The following CYB561D1 variants were observed in gnomAD, a reference collection of about 807,000 sequenced individuals.
CYB561D1 encodes cytochrome b561 family member D1.
Under a neutral mutation model 19.2 loss-of-function variants are expected in CYB561D1, and 15 were observed. That is an observed-to-expected ratio of 0.78 (90% CI 0.52 to 1.20). The LOEUF (loss-of-function observed/expected upper bound fraction) is 1.20. Ranked by LOEUF, CYB561D1 falls within the 50% of genes most tolerant of loss-of-function variation. The probability of loss-of-function intolerance (pLI) is 0.00; values close to 1 mark genes in which losing one functional copy is unlikely to be tolerated. For missense variants in CYB561D1, 297 were observed against 287.3 expected (o/e 1.03, Z -0.24); for synonymous variants, 133 against 120.6 (o/e 1.10, Z -0.68).
rs771358813 is a variant in CYB561D1 at position 109,496,127 on chromosome 1, C to CTCAG, written c.560_563dup (p.Trp189SerfsTer49). On this transcript the variant is annotated frameshift_variant, in exon 3 of 3. Coordinates refer to ENST00000420578, the MANE Select transcript of CYB561D1 (RefSeq NM_182580.3). LOFTEE classifies it high-confidence loss of function. ...CAGTAACGGTGCTTCTGGGCATGTA[C>CTCAG]TCAGTATGGTTCCAGGCCCAGATCA... The CTCAG allele has an allele frequency of 1.2e-6, 2 of 1,614,116 alleles. No homozygotes were observed. Among genetic ancestry groups the CTCAG allele is most frequent in the African/African-American group, 2.7e-5 (2 of 74,942 alleles).
chr1:109,497,993 A>G lies in CYB561D1; in HGVS notation c.*1734A>G, dbSNP rs756571932. The G allele has an allele frequency of 3.3e-5, 5 of 152,174 alleles. No individual in the cohort carries two copies. Among genetic ancestry groups the G allele is most frequent in the African/African-American group, 7.2e-5 (3 of 41,416 alleles). 9.4% of individuals were successfully genotyped at this position (152,174 alleles called of 1,614,324 possible). ...TCTTTCATTGTCCTCCCTCCTCTCAAACTCTCCAGTGTGGTGTGAACTCAG... is the reference window on the plus strand; with the variant it reads ...TCTTTCATTGTCCTCCCTCCTCTCAGACTCTCCAGTGTGGTGTGAACTCAG... On this transcript the variant is annotated 3_prime_UTR_variant, in exon 3 of 3. Coordinates refer to ENST00000420578, the MANE Select transcript of CYB561D1 (RefSeq NM_182580.3).
rs371903222 is a variant in CYB561D1, at chr1:109,496,274, T to C, written c.*15T>C. On this transcript the variant is annotated 3_prime_UTR_variant, in exon 3 of 3. Coordinates refer to ENST00000420578, the MANE Select transcript of CYB561D1 (RefSeq NM_182580.3). ...TGGAAATGTGAGTTCCTGCGAACGC[T>C]GAATCTAGGTGGGACGCTTGCCTTG... 1.3e-6 allele frequency: 2 copies of C among 1,551,908 alleles called. No homozygotes were observed. The highest frequency in any genetic ancestry group is 1.7e-6 in the Non-Finnish European group (2 of 1,143,372).
intron 2 of CYB561D1, 131 bp downstream of exon 2, chr1:109,495,311 T>G (rs1657462590): frequency 9.0e-7 from 1 of 1,112,554 alleles, no homozygotes; most frequent in Non-Finnish European, 1.4e-6. Flanking sequence ...GGCTCATCTT[T>G]CCCTGCAGCC....
At position 109,496,094 on chromosome 1, in the gene CYB561D1, G is replaced by A. The variant is rs1657540804; in HGVS notation, c.525G>A (p.Leu175=). ...TGACATGTGGACTGGTGGTCTACCT[G>A]ATGGCTACAGTAACGGTGCTTCTGG... ...YHLTCGLVVY[L]MATVTVLLGM... is the part of the protein sequence containing the mutation. Residue 175 remains leucine, a synonymous_variant, in exon 3 of 3, where the codon CTG becomes CTA. Transcript: ENST00000420578. The A allele has an allele frequency of 6.2e-7, 1 of 1,614,186 alleles. No homozygotes were observed. The highest frequency in any genetic ancestry group is 8.5e-7 in the Non-Finnish European group (1 of 1,180,022).
chr1:109,494,428 G>T, intron 1 of CYB561D1, 141 bp downstream of exon 1: 2 of 1,544,900 alleles, frequency 1.3e-6, no homozygotes, highest in Non-Finnish European at 1.7e-6. Flanking sequence ...TGAGGGCCTG[G>T]TGGGGCGGGG....
intron 1 of CYB561D1, chr1:109,494,598 A>T (rs750883480): frequency 1.6e-5 from 22 of 1,362,942 alleles, no homozygotes; most frequent in Non-Finnish European, 2.0e-5. Context: ...GCACTTTGGG[A>T]GGCCGACGCG....
Position 109,496,140 on chromosome 1 carries a change from C to T in CYB561D1, c.571C>T (p.Gln191Ter). The T allele has an allele frequency of 6.2e-7, 1 of 1,614,174 alleles. No homozygotes were observed. The highest frequency in any genetic ancestry group is 1.3e-5 in the African/African-American group (1 of 75,072). ...VLLGMYSVWF[Q>*]AQIKGAAWYL... ...TCTGGGCATGTACTCAGTATGGTTCCAGGCCCAGATCAAAGGTGCGGCCTG... is the reference window on the plus strand; with the variant it reads ...TCTGGGCATGTACTCAGTATGGTTCTAGGCCCAGATCAAAGGTGCGGCCTG... Residue 191 changes from glutamine to a stop codon, truncating the protein, a stop_gained, in exon 3 of 3, where the codon CAG becomes TAG. Coordinates refer to ENST00000420578, the MANE Select transcript of CYB561D1 (RefSeq NM_182580.3). LOFTEE classifies it high-confidence loss of function.
chr1:109,494,183 A>G lies in CYB561D1; in HGVS notation c.44A>G (p.Glu15Gly). 6.4e-7 allele frequency: 1 copy of G among 1,553,090 alleles called. No individual in the cohort carries two copies. Among genetic ancestry groups the G allele is most frequent in the Non-Finnish European group, 8.7e-7 (1 of 1,147,860 alleles). ...EVGLVPAPAG[E>G]PRLTRWLRRG... ...GGTCTGGTTCCCGCTCCAGCTGGGG[A>G]GCCGAGACTGACCCGCTGGCTGCGG... The change falls in exon 1 of 3, where the codon GAG becomes GGG. Residue 15 changes from glutamate (E) to glycine (G), a missense_variant. By Grantham distance (98) the Glu-to-Gly change is moderately conservative (BLOSUM62 -2). Transcript: ENST00000420578.
In CYB561D1 at chr1:109,495,881, A is replaced by T. The variant is rs764083088; in HGVS notation, c.312A>T (p.Ala104=). Residue 104 remains alanine, a synonymous_variant, in exon 3 of 3, where the codon GCA becomes GCT. Coordinates refer to ENST00000420578, the MANE Select transcript of CYB561D1 (RefSeq NM_182580.3). ...WAGQTLAILC[A]ALGLGFIISS... is the part of the protein sequence containing the mutation. ...GGCAGACCCTAGCCATCCTCTGTGC[A>T]GCTCTGGGCCTGGGCTTCATCATCT... The T allele has an allele frequency of 5.6e-6, 9 of 1,613,860 alleles. No individual in the cohort carries two copies. Among genetic ancestry groups the T allele is most frequent in the Non-Finnish European group, 6.8e-6 (8 of 1,180,048 alleles).
rs1571115147 is a variant in CYB561D1 at position 109,498,417 on chromosome 1, G to C, written c.*2158G>C. On this transcript the variant is annotated 3_prime_UTR_variant, in exon 3 of 3. Coordinates refer to ENST00000420578, the MANE Select transcript of CYB561D1 (RefSeq NM_182580.3). ...GCCTGGAGGGCAGGGGCACAGAGCA[G>C]AGAGGAGGGCACTGGTGGTCTCCTG... The C allele has an allele frequency of 1.7e-5, 1 of 60,112 alleles. No individual in the cohort carries two copies. The highest frequency in any genetic ancestry group is 3.2e-5 in the African/African-American group (1 of 31,562). 3.7% of individuals were successfully genotyped at this position (60,112 alleles called of 1,614,324 possible).
chr1:109,497,381 C>A lies in CYB561D1; in HGVS notation c.*1122C>A, dbSNP rs960470256. 1 of 152,266 alleles carries A rather than the reference C, an allele frequency of 6.6e-6. No homozygotes were observed. Among genetic ancestry groups the A allele is most frequent in the Non-Finnish European group, 1.5e-5 (1 of 68,072 alleles). The allele number at this position is 152,266 out of a possible 1,614,324, so 9.4% of individuals were successfully genotyped here. Reference sequence around the variant, plus strand: ...TACCCCTCTTCCCTTGTTATCTAAGCTTTCCTCAGTTGTCATCTCTTCCCA... The same window carrying A: ...TACCCCTCTTCCCTTGTTATCTAAGATTTCCTCAGTTGTCATCTCTTCCCA... On this transcript the variant is annotated 3_prime_UTR_variant, in exon 3 of 3. Coordinates refer to ENST00000420578, the MANE Select transcript of CYB561D1 (RefSeq NM_182580.3).
chr1:109,496,416 A>G lies in CYB561D1; in HGVS notation c.*157A>G. 2 of 781,562 alleles carry G rather than the reference A, an allele frequency of 2.6e-6. No homozygotes were observed. The highest frequency in any genetic ancestry group is 3.9e-6 in the Non-Finnish European group (2 of 517,284). 48.4% of individuals were successfully genotyped at this position (781,562 alleles called of 1,614,324 possible). A position where few individuals can be genotyped will look rare whatever the true frequency, so the allele number is the denominator to read the frequency against. On this transcript the variant is annotated 3_prime_UTR_variant, in exon 3 of 3. Coordinates refer to ENST00000420578, the MANE Select transcript of CYB561D1 (RefSeq NM_182580.3). Reference sequence around the variant, plus strand: ...CCAAAGCTGCTATTGTTGAGGAATAATTCAGTGGGTCAAAATGGGGAGATG... The same window carrying G: ...CCAAAGCTGCTATTGTTGAGGAATAGTTCAGTGGGTCAAAATGGGGAGATG...
chr1:109,494,695 G>A (rs1657407769), intron 1 of CYB561D1: 1 of 752,876 alleles, frequency 1.3e-6, no homozygotes, highest in Non-Finnish European at 1.9e-6. Flanking sequence ...AAATTAGCCA[G>A]GCGTGATGGC....
chr1:109,494,130 G>T lies in CYB561D1; in HGVS notation c.-10G>T, dbSNP rs374782910. 163 of 1,503,202 alleles carry T rather than the reference G, an allele frequency of 1.1e-4. No individual in the cohort carries two copies. Among genetic ancestry groups the T allele is most frequent in the Non-Finnish European group, 1.3e-4 (150 of 1,121,154 alleles). 93.1% of individuals were successfully genotyped at this position (1,503,202 alleles called of 1,614,324 possible). A position where few individuals can be genotyped will look rare whatever the true frequency, so the allele number is the denominator to read the frequency against. On this transcript the variant is annotated 5_prime_UTR_variant, in exon 1 of 3. Coordinates refer to ENST00000420578, the MANE Select transcript of CYB561D1 (RefSeq NM_182580.3). ...GGCAGCTGGAGTGTACGGGCCCGCGGGCCACGGCCATGCAGCCCCTGGAGG... is the reference window on the plus strand; with the variant it reads ...GGCAGCTGGAGTGTACGGGCCCGCGTGCCACGGCCATGCAGCCCCTGGAGG...
chr1:109,496,862 G>A lies in CYB561D1; in HGVS notation c.*603G>A, dbSNP rs1010740324. 6.6e-6 allele frequency: 1 copy of A among 152,636 alleles called. No individual in the cohort carries two copies. The highest frequency in any genetic ancestry group is 1.9e-4 in the East Asian group (1 of 5,178). The allele number at this position is 152,636 out of a possible 1,614,324, so 9.5% of individuals were successfully genotyped here. On this transcript the variant is annotated 3_prime_UTR_variant, in exon 3 of 3. Transcript: ENST00000420578. ...CGTGGACCACTTAGCAGACTCAGGG[G>A]GTAGTTCTTTACTCTCCCTTTACTA... is the stretch of plus-strand genomic sequence containing the variant.
Position 109,494,298 on chromosome 1 carries a change from G to T in CYB561D1, c.148+11G>T. The T allele has an allele frequency of 6.4e-7, 1 of 1,573,482 alleles. No homozygotes were observed. Among genetic ancestry groups the T allele is most frequent in the East Asian group, 2.3e-5 (1 of 43,292 alleles). ...CCCGGCCAGGAACCAGTGAGTGTGC[G>T]GGGCGGGGTTGCGGAAGGGGGCGGA... On this transcript the variant is annotated intron_variant, in intron 1 of 2. Transcript: ENST00000420578.
chr1:109,494,296 GC>G lies in CYB561D1; in HGVS notation c.148+10del. The G allele has an allele frequency of 1.3e-6, 2 of 1,578,034 alleles. No individual in the cohort carries two copies. The highest frequency in any genetic ancestry group is 1.7e-6 in the Non-Finnish European group (2 of 1,160,682). ...GTCCCGGCCAGGAACCAGTGAGTGT[GC>G]GGGGCGGGGTTGCGGAAGGGGGCGG... On this transcript the variant is annotated intron_variant, in intron 1 of 2. Transcript: ENST00000420578.
At chr1:109,495,631 G>C in intron 2 of CYB561D1, 125 bp from the exon 3 acceptor site, 1 of 1,544,324 alleles carries the variant, frequency 6.5e-7, no homozygotes. Flanking sequence ...TGAGGCTGGT[G>C]GTCCTGGTTG....
chr1:109,495,747 T>C lies in CYB561D1; in HGVS notation c.187-9T>C, dbSNP rs754393886. 1.2e-6 allele frequency: 2 copies of C among 1,614,252 alleles called. No homozygotes were observed. The highest frequency in any genetic ancestry group is 3.3e-5 in the Admixed American group (2 of 60,032). ...CATGAGGCTTACTGGCTCTCTCCTA[T>C]GTTCACAGTTCTGCCTCTGCATGGC... On this transcript the variant is annotated splice_polypyrimidine_tract_variant and intron_variant, in intron 2 of 2. Transcript: ENST00000420578.
Sources: allele counts gnomAD v4.1 joint callset, GRCh38; gene constraint gnomAD v4.1.1; transcripts MANE v1.5; gene names NCBI Gene and HGNC (gene_info 2026-07-23, HGNC 2026-07-21).